The following HRH3 variants were observed in gnomAD, a reference collection of about 807,000 sequenced individuals.
HRH3 encodes the protein histamine receptor H3.
Under a neutral mutation model 21.6 loss-of-function variants are expected in HRH3, and 13 were observed. The observed-to-expected ratio is 0.60, with a 90% CI of 0.39 to 0.96. The LOEUF is 0.96. HRH3 is among the 40% of genes least tolerant of loss of function. The probability of loss-of-function intolerance (pLI) is 0.00; values close to 1 mark genes in which losing one functional copy is unlikely to be tolerated. For synonymous variants in HRH3, 276 were observed against 290.3 expected (o/e 0.95, Z 0.50); for missense variants, 461 against 622.7 (o/e 0.74, Z 2.76).
Position 62,218,597 on chromosome 20 carries a change from C to A in HRH3, c.311G>T (p.Arg104Leu). Residue 104 changes from arginine to leucine, a missense_variant, in exon 2 of 3, where the codon CGG becomes CTG. Physicochemically the swap from Arg to Leu is moderately radical, Grantham distance 102. This residue lies in a region of HRH3 where 102 missense variants were observed against 155.6 expected (regional missense o/e 0.66). Coordinates refer to ENST00000340177, the MANE Select transcript of HRH3 (RefSeq NM_007232.3). The surrounding 1 kb of genome is among the most constrained non-coding windows in gnomAD (Gnocchi z 5.6). The part of the protein sequence containing the change: ...YVLTGRWTFG[R>L]GLCKLWLVVD... The stretch of plus-strand genomic sequence containing the variant: ...TACCAGCCACAGCTTGCAGAGGCCC[C>A]GGCCGAAGGTCCAGCGGCCTGTCAG... 3 of 1,612,412 alleles carry A rather than the reference C, an allele frequency of 1.9e-6. No individual in the cohort carries two copies. The highest frequency in any genetic ancestry group is 2.5e-6 in the Non-Finnish European group (3 of 1,179,906).
At chr20:62,217,862 T>C (rs1289953034) in intron 2 of HRH3, among the ~76,000 whole-genome samples, 2 of 152,174 alleles carry the variant, frequency 1.3e-5, no homozygotes, top group African/African-American at 4.8e-5. Context: ...CCCAAAGCCA[T>C]GCTCTTTGCA....
At position 62,215,612 on chromosome 20, in the gene HRH3, G is replaced by T. The variant is rs1030311706; in HGVS notation, c.*394C>A. 2.6e-5 allele frequency: 10 copies of T among 384,006 alleles called. No individual in the cohort carries two copies. The highest frequency in any genetic ancestry group is 5.1e-5 in the Non-Finnish European group (10 of 196,280). The allele number at this position is 384,006 out of a possible 1,614,324, so 23.8% of individuals were successfully genotyped here. A position where few individuals can be genotyped will look rare whatever the true frequency, so the allele number is the denominator to read the frequency against. ...TGCAGGTGTGTGCAGGGGTGTGCAG[G>T]TGTGTGCACGTGCAGAGGCAAACTG... On this transcript the variant is annotated 3_prime_UTR_variant, in exon 3 of 3. Coordinates refer to ENST00000340177, the MANE Select transcript of HRH3 (RefSeq NM_007232.3).
rs1029896232 is a variant in HRH3, at chr20:62,218,275, T to C, written c.417+216A>G. On this transcript the variant is annotated intron_variant, in intron 2 of 2. Coordinates refer to ENST00000340177, the MANE Select transcript of HRH3 (RefSeq NM_007232.3). This position sits in a 1 kb window ranked among gnomAD's most constrained non-coding sequence, Gnocchi z 5.6. ...CCTTCAGGACCATCTGCATCCAGAT[T>C]CCCCGTCTCCTGCCTGGGCCAGGTC... 6.6e-6 allele frequency among the ~76,000 whole-genome samples: 1 copy of C among 152,204 alleles called. No individual in the cohort carries two copies. The highest frequency in any genetic ancestry group is 6.5e-5 in the Admixed American group (1 of 15,284).
rs1266375726 is a variant in HRH3, at chr20:62,219,213, C to G, written c.250+508G>C. The stretch of plus-strand genomic sequence containing the variant: ...CAGCCCCAACAGGTGTCTGGCGCTC[C>G]AGCCCCCTCCGCGTGCCCCGCCCCC... On this transcript the variant is annotated intron_variant, in intron 1 of 2. Transcript: ENST00000340177. This position sits in a 1 kb window ranked among gnomAD's most constrained non-coding sequence, Gnocchi z 8.7. 2.0e-5 allele frequency among the ~76,000 whole-genome samples: 3 copies of G among 152,248 alleles called. No homozygotes were observed. Among genetic ancestry groups the G allele is most frequent in the Middle Eastern group, 3.4e-3 (1 of 294 alleles).
In HRH3 at chr20:62,215,089, G is replaced by A. The variant is rs201643814; in HGVS notation, c.*917C>T. The A allele has an allele frequency of 3.3e-5, 11 of 329,376 alleles. No homozygotes were observed. The highest frequency in any genetic ancestry group is 7.7e-5 in the East Asian group (1 of 13,064). 20.4% of individuals were successfully genotyped at this position (329,376 alleles called of 1,614,324 possible). On this transcript the variant is annotated 3_prime_UTR_variant, in exon 3 of 3. Coordinates refer to ENST00000340177, the MANE Select transcript of HRH3 (RefSeq NM_007232.3). ...GCACATGGCGAAGCGGCCCCTGCCC[G>A]GGCACCTCCTCTGGACCGCCCCTGC...
In HRH3 at chr20:62,216,941, G is replaced by A. The variant is rs996781047; in HGVS notation, c.418-15C>T. The stretch of plus-strand genomic sequence containing the variant: ...CGGTATGAGACCTGCAGAAGGGCAG[G>A]CTGGTCAGGGGCGGGGCGGAAGGAA... On this transcript the variant is annotated splice_polypyrimidine_tract_variant and intron_variant, in intron 2 of 2. Transcript: ENST00000340177. The A allele has an allele frequency of 1.9e-6, 3 of 1,584,866 alleles. No individual in the cohort carries two copies. The highest frequency in any genetic ancestry group is 1.3e-5 in the African/African-American group (1 of 74,520).
rs965514343 is a variant in HRH3, at chr20:62,218,323, C to T, written c.417+168G>A. 1.3e-5 allele frequency among the ~76,000 whole-genome samples: 2 copies of T among 152,226 alleles called. No individual in the cohort carries two copies. Among genetic ancestry groups the T allele is most frequent in the African/African-American group, 2.4e-5 (1 of 41,460 alleles). On this transcript the variant is annotated intron_variant, in intron 2 of 2. Transcript: ENST00000340177. This position sits in a 1 kb window ranked among gnomAD's most constrained non-coding sequence, Gnocchi z 5.6. ...GTCAGTCTGGCTGCAGCCATGGCCC[C>T]GAGTGGGCAGCTGGCCGTCGAGTGG...
rs1978726794 is a variant in HRH3 at position 62,219,623 on chromosome 20, G to C, written c.250+98C>G. On this transcript the variant is annotated intron_variant, in intron 1 of 2. Coordinates refer to ENST00000340177, the MANE Select transcript of HRH3 (RefSeq NM_007232.3). This position sits in a 1 kb window ranked among gnomAD's most constrained non-coding sequence, Gnocchi z 8.7. ...CAGGCCGGGTCCCCTGGTGGGGCGT[G>C]TGCCTGCGGGAGCCACCCAGGTCCG... is the stretch of plus-strand genomic sequence containing the variant. 6.9e-7 allele frequency: 1 copy of C among 1,444,356 alleles called. No homozygotes were observed. The highest frequency in any genetic ancestry group is 9.2e-7 in the Non-Finnish European group (1 of 1,083,432). The allele number at this position is 1,444,356 out of a possible 1,614,324, so 89.5% of individuals were successfully genotyped here. A position where few individuals can be genotyped will look rare whatever the true frequency, so the allele number is the denominator to read the frequency against.
In HRH3 at chr20:62,215,893, G is replaced by A. The variant is rs1005287660; in HGVS notation, c.*113C>T. ...GCCGTGGCATTAAGAGAGGGCCACA[G>A]ACACGGCGGGGCTCACCCCTGGGGG... is the stretch of plus-strand genomic sequence containing the variant. On this transcript the variant is annotated 3_prime_UTR_variant, in exon 3 of 3. Transcript: ENST00000340177. The A allele has an allele frequency of 3.2e-5, 34 of 1,071,624 alleles. No homozygotes were observed. The highest frequency in any genetic ancestry group is 3.7e-5 in the Non-Finnish European group (28 of 766,098). 66.4% of individuals were successfully genotyped at this position (1,071,624 alleles called of 1,614,324 possible).
chr20:62,220,084 C>A lies in HRH3; in HGVS notation c.-114G>T. On this transcript the variant is annotated 5_prime_UTR_variant, in exon 1 of 3. Transcript: ENST00000340177. Reference sequence around the variant, plus strand: ...CGTCTTTGCGGGCCCTTGGCCGGGTCGGGTTCCCCTGGGGGCGCCCAGCGC... The same window carrying A: ...CGTCTTTGCGGGCCCTTGGCCGGGTAGGGTTCCCCTGGGGGCGCCCAGCGC... The A allele has an allele frequency of 1.1e-6, 1 of 917,998 alleles. No individual in the cohort carries two copies. The highest frequency in any genetic ancestry group is 4.9e-5 in the South Asian group (1 of 20,374). The allele number at this position is 917,998 out of a possible 1,614,324, so 56.9% of individuals were successfully genotyped here.
chr20:62,216,594 G>A lies in HRH3; in HGVS notation c.750C>T (p.Pro250=). The A allele has an allele frequency of 6.2e-7, 1 of 1,608,038 alleles. No homozygotes were observed. The highest frequency in any genetic ancestry group is 8.5e-7 in the Non-Finnish European group (1 of 1,177,688). ...AGPEPPPEAQ[P]SPPPPPGCWG... is the part of the protein sequence containing the mutation. ...AGCAGCCAGGCGGTGGGGGTGGTGA[G>A]GGCTGGGCCTCGGGAGGGGGCTCGG... Residue 250 remains proline (P), a synonymous_variant, in exon 3 of 3, where the codon CCC becomes CCT. Transcript: ENST00000340177.
chr20:62,219,653 C>CCAGT lies in HRH3; in HGVS notation c.250+64_250+67dup. 1 of 1,531,810 alleles carries CCAGT rather than the reference C, an allele frequency of 6.5e-7. No homozygotes were observed. Among genetic ancestry groups the CCAGT allele is most frequent in the South Asian group, 1.2e-5 (1 of 82,896 alleles). The allele number at this position is 1,531,810 out of a possible 1,614,324, so 94.9% of individuals were successfully genotyped here. A position where few individuals can be genotyped will look rare whatever the true frequency, so the allele number is the denominator to read the frequency against. On this transcript the variant is annotated intron_variant, in intron 1 of 2. Coordinates refer to ENST00000340177, the MANE Select transcript of HRH3 (RefSeq NM_007232.3). The surrounding 1 kb of genome is among the most constrained non-coding windows in gnomAD (Gnocchi z 8.7). ...TGCGGGAGCCACCCAGGTCCGTGTTCCAGTCCCCGCTGGCCCGGCCACGCT... is the reference window on the plus strand; with the variant it reads ...TGCGGGAGCCACCCAGGTCCGTGTTCCAGTCAGTCCCCGCTGGCCCGGCCACGCT...
At position 62,216,025 on chromosome 20, in the gene HRH3, AG is replaced by A; in HGVS notation, c.1318del (p.Leu440TrpfsTer40). On this transcript the variant is annotated frameshift_variant, in exon 3 of 3. Transcript: ENST00000340177. LOFTEE classifies it high-confidence loss of function. ...QKLKIQPHSSLEHCWK is the reference protein window; with the variant it reads ...QKLKIQPHSSXEHCWK ...GGCCACTCACTTCCAGCAGTGCTCC[AG>A]GGAGCTGTGGGGCTGGATTTTGAGC... 6.3e-7 allele frequency: 1 copy of A among 1,582,648 alleles called. No homozygotes were observed. The highest frequency in any genetic ancestry group is 8.6e-7 in the Non-Finnish European group (1 of 1,164,868).
rs143155372 is a variant in HRH3 at position 62,218,345 on chromosome 20, G to A, written c.417+146C>T. ...CCCCGAGTGGGCAGCTGGCCGTCGA[G>A]TGGCCCATGTGTCAGCAGCAAAGCC... On this transcript the variant is annotated intron_variant, in intron 2 of 2. Coordinates refer to ENST00000340177, the MANE Select transcript of HRH3 (RefSeq NM_007232.3). The surrounding 1 kb of genome is among the most constrained non-coding windows in gnomAD (Gnocchi z 5.6). 0.021 allele frequency: 19,565 copies of A among 912,604 alleles called. 287 individuals carry two copies. The highest frequency in any genetic ancestry group is 0.027 in the Non-Finnish European group (16,826 of 616,322). 56.5% of individuals were successfully genotyped at this position (912,604 alleles called of 1,614,324 possible).
rs1228293663 is a variant in HRH3 at position 62,219,196 on chromosome 20, A to G, written c.250+525T>C. Among the ~76,000 whole-genome samples, 1 of 152,064 alleles carries G rather than the reference A, an allele frequency of 6.6e-6. No homozygotes were observed. Among genetic ancestry groups the G allele is most frequent in the East Asian group, 1.9e-4 (1 of 5,170 alleles). ...CTGGGAGACGCACCTCACAGCCCCA[A>G]CAGGTGTCTGGCGCTCCAGCCCCCT... On this transcript the variant is annotated intron_variant, in intron 1 of 2. Coordinates refer to ENST00000340177, the MANE Select transcript of HRH3 (RefSeq NM_007232.3). The surrounding 1 kb of genome is among the most constrained non-coding windows in gnomAD (Gnocchi z 8.7).
chr20:62,215,616 G>A lies in HRH3; in HGVS notation c.*390C>T, dbSNP rs1601119750. ...GGTGTGTGCAGGGGTGTGCAGGTGTGTGCACGTGCAGAGGCAAACTGCTAG... is the reference window on the plus strand; with the variant it reads ...GGTGTGTGCAGGGGTGTGCAGGTGTATGCACGTGCAGAGGCAAACTGCTAG... On this transcript the variant is annotated 3_prime_UTR_variant, in exon 3 of 3. Coordinates refer to ENST00000340177, the MANE Select transcript of HRH3 (RefSeq NM_007232.3). The A allele has an allele frequency of 2.6e-6, 1 of 382,306 alleles. No homozygotes were observed. The highest frequency in any genetic ancestry group is 6.7e-5 in the East Asian group (1 of 14,904). 23.7% of individuals were successfully genotyped at this position (382,306 alleles called of 1,614,324 possible).
In HRH3 at chr20:62,216,461, C is replaced by A. The variant is rs925568764; in HGVS notation, c.883G>T (p.Gly295Cys). Residue 295 changes from glycine to cysteine, a missense_variant, in exon 3 of 3, where the codon GGT becomes TGT. Physicochemically the swap from Gly to Cys is radical, Grantham distance 159. Transcript: ENST00000340177. ...GGTGAAGCCACGGAGCCGCCCCCAC[C>A]GCCACCCCCGAGGGTCGCCTCCCCG... ...EAGEATLGGG[G>C]GGGSVASPTS... is the part of the protein sequence containing the mutation. 2 of 1,541,940 alleles carry A rather than the reference C, an allele frequency of 1.3e-6. No individual in the cohort carries two copies. Among genetic ancestry groups the A allele is most frequent in the Non-Finnish European group, 1.8e-6 (2 of 1,142,622 alleles).
Position 62,215,593 on chromosome 20 carries a change from T to G in HRH3, c.*413A>C, listed in dbSNP as rs1978501308. 2 of 412,166 alleles carry G rather than the reference T, an allele frequency of 4.9e-6. No homozygotes were observed. The highest frequency in any genetic ancestry group is 9.7e-6 in the Non-Finnish European group (2 of 206,882). The allele number at this position is 412,166 out of a possible 1,614,324, so 25.5% of individuals were successfully genotyped here. On this transcript the variant is annotated 3_prime_UTR_variant, in exon 3 of 3. Transcript: ENST00000340177. ...TCCGGGGAGAGGGACGGTGTGCAGG[T>G]GTGTGCAGGGGTGTGCAGGTGTGTG...
In HRH3 at chr20:62,219,912, G is replaced by C; in HGVS notation, c.59C>G (p.Ala20Gly). 1 of 1,314,660 alleles carries C rather than the reference G, an allele frequency of 7.6e-7. No homozygotes were observed. The highest frequency in any genetic ancestry group is 9.6e-7 in the Non-Finnish European group (1 of 1,039,360). 81.4% of individuals were successfully genotyped at this position (1,314,660 alleles called of 1,614,324 possible). A position where few individuals can be genotyped will look rare whatever the true frequency, so the allele number is the denominator to read the frequency against. ...LNASGALAGEAAAAGGARGFS... is the reference protein window; with the variant it reads ...LNASGALAGEGAAAGGARGFS... The stretch of plus-strand genomic sequence containing the variant: ...GCCGCGCGCCCCGCCCGCCGCCGCC[G>C]CCTCGCCCGCCAGCGCCCCCGAAGC... The change falls in exon 1 of 3, where the codon GCG (alanine) becomes GGG (glycine). Residue 20 changes from alanine (A) to glycine (G), a missense_variant. Ala to Gly is a moderately conservative substitution (Grantham distance 60). This residue lies in a region of HRH3 where 102 missense variants were observed against 155.6 expected (regional missense o/e 0.66). Coordinates refer to ENST00000340177, the MANE Select transcript of HRH3 (RefSeq NM_007232.3). The surrounding 1 kb of genome is among the most constrained non-coding windows in gnomAD (Gnocchi z 8.7).
Sources: allele counts gnomAD v4.1 joint callset (sites outside exome capture counted in the v4.1 genomes callset), GRCh38; gene constraint gnomAD v4.1.1; regional missense constraint gnomAD v4.1.1; non-coding constraint Gnocchi (gnomAD v3.1); transcripts MANE v1.5; gene names NCBI Gene and HGNC (gene_info 2026-07-23, HGNC 2026-07-21).